The following MVP variants were observed in gnomAD, a reference collection of about 807,000 sequenced individuals.
MVP encodes lung resistance-related protein.
MVP carries 62 observed loss-of-function variants against 83.5 expected under a neutral mutation model. The observed-to-expected ratio is 0.74, with a 90% confidence interval of 0.61 to 0.92. The LOEUF is 0.92. Among genes scored for constraint, MVP ranks in the 40% least tolerant of loss-of-function variants. MVP has a pLI of 0.00. For missense variants in MVP, 1,000 were observed against 1,203.4 expected, an observed-to-expected ratio of 0.83 and a Z score of 2.50; for synonymous variants, 505 against 504.1, an observed-to-expected ratio of 1.00 and a Z score of -0.02.
intron 1 of MVP, chr16:29,830,135 C>G (rs1298448658): frequency 1.7e-5 from 3 of 175,218 alleles, no homozygotes; most frequent in Non-Finnish European, 3.7e-5. Flanking sequence ...ACCTCCATGG[C>G]TCCCCAGTTT....
chr16:29,843,557 G>T, intron 10 of MVP, among the ~76,000 whole-genome samples: 1 of 73,052 alleles, frequency 1.4e-5, no homozygotes, highest in Non-Finnish European at 3.0e-5. Context: ...AGGGAGGGAG[G>T]GAGGGAGGGA....
At chr16:29,822,087 GT>G (rs201002535) in intron 1 of MVP, among the ~76,000 whole-genome samples, 1,572 of 138,436 alleles carry the variant, frequency 0.011, 24 homozygotes, top group African/African-American at 0.035. Flanking sequence ...TTGGGGTTTT[GT>G]TTTTTTTTTT....
chr16:29,844,391 G>A lies in MVP; in HGVS notation c.1635-102G>A, dbSNP rs184223468. The A allele has an allele frequency of 6.7e-5, 97 of 1,454,442 alleles. No homozygotes were observed. In the African/African-American group the frequency reaches 1.2e-3, roughly 17 times the overall value. The allele number at this position is 1,454,442 out of a possible 1,614,324, so 90.1% of individuals were successfully genotyped here. A position where few individuals can be genotyped will look rare whatever the true frequency, so the allele number is the denominator to read the frequency against. ...AGGTTGGGGGGTTGCCTGAGCCCAG[G>A]AGTTCAAGACCAGCCTGGGCAACAT... On this transcript the variant is annotated intron_variant, in intron 10 of 14. Transcript: ENST00000357402.
At chr16:29,848,037 C>A, downstream of MVP, 1 of 1,571,010 alleles carries the variant, frequency 6.4e-7, no homozygotes. Flanking sequence ...AATTTCAACA[C>A]TTTTCTCTTG....
chr16:29,840,532 G>C, intron 8 of MVP, 73 bp downstream of exon 8: 1 of 1,489,734 alleles, frequency 6.7e-7, no homozygotes, highest in Non-Finnish European at 9.0e-7. Context: ...TGGGTGTGTG[G>C]AAGAGGTGGG....
intron 14 of MVP, 137 bp from the exon 15 acceptor site, chr16:29,847,625 G>T: frequency 9.9e-7 from 1 of 1,006,490 alleles, no homozygotes. Flanking sequence ...CAGTCTGACA[G>T]GCATTTCCAA....
intron 7 of MVP, among the ~76,000 whole-genome samples, chr16:29,837,812 G>C (rs966013783): frequency 1.3e-5 from 2 of 152,052 alleles, no homozygotes; most frequent in Non-Finnish European, 1.5e-5. Flanking sequence ...GTAATGGACT[G>C]AACTATCATG....
chr16:29,836,881 C>T lies in MVP; in HGVS notation c.832C>T (p.Pro278Ser), dbSNP rs990919247. The T allele has an allele frequency of 6.2e-7, 1 of 1,614,028 alleles. No homozygotes were observed. The highest frequency in any genetic ancestry group is 1.3e-5 in the African/African-American group (1 of 75,010). ...LGVVPITTLG[P>S]HNYCVILDPV... ...GGTTGTGCCCATCACCACCCTGGGC[C>T]CCCACAACTACTGCGTGATTCTCGA... Residue 278 changes from proline (P) to serine (S), a missense_variant, in exon 7 of 15, where the codon CCC (proline) becomes TCC (serine). Transcript: ENST00000357402.
At chr16:29,832,737 G>A (rs554689630) in intron 3 of MVP, among the ~76,000 whole-genome samples, 1 of 151,598 alleles carries the variant, frequency 6.6e-6, no homozygotes, top group East Asian at 2.0e-4. Context: ...GGGATTGCAG[G>A]TGTGAGCCAC....
At chr16:29,832,292 CTTTTT>C (rs36059297) in intron 3 of MVP, among the ~76,000 whole-genome samples, 120 of 107,276 alleles carry the variant, frequency 1.1e-3, no homozygotes, top group Middle Eastern at 6.3e-3. Context: ...ATTCTTGTAC[CTTTTT>C]TTTTTTTTTT....
rs1334946118 is a variant in MVP at position 29,840,211 on chromosome 16, C to T, written c.943C>T (p.Gln315Ter). 3.7e-6 allele frequency: 6 copies of T among 1,612,562 alleles called. No individual in the cohort carries two copies. The Admixed American group carries it at 1.0e-4, about 27-fold the overall frequency. Reference sequence around the variant, plus strand: ...GTCTTTTTTCCTCCAGCCAGGAGAGCAGCTGGAACAAGGCATCCAGGATGT... The same window carrying T: ...GTCTTTTTTCCTCCAGCCAGGAGAGTAGCTGGAACAAGGCATCCAGGATGT... ...EKSFFLQPGE[Q>*]LEQGIQDVYV... Residue 315 changes from glutamine to a stop codon, truncating the protein, a stop_gained, in exon 8 of 15, where the codon CAG becomes TAG. Coordinates refer to ENST00000357402, the MANE Select transcript of MVP (RefSeq NM_005115.5). LOFTEE classifies it high-confidence loss of function.
In MVP at chr16:29,840,266, T is replaced by A. The variant is rs1414540470; in HGVS notation, c.998T>A (p.Leu333Gln). The change falls in exon 8 of 15, where the codon CTG (leucine) becomes CAG (glutamine). Residue 333 changes from leucine (L) to glutamine (Q), a missense_variant. Transcript: ENST00000357402. ...VYVLSEQQGL[L>Q]LRALQPLEEG... is the part of the protein sequence containing the mutation. ...GTGCTGTCGGAGCAGCAGGGGCTGC[T>A]GCTGAGGGCCCTGCAGCCCCTGGAG... 6.2e-7 allele frequency: 1 copy of A among 1,613,884 alleles called. No homozygotes were observed. Among genetic ancestry groups the A allele is most frequent in the South Asian group, 1.1e-5 (1 of 91,072 alleles).
intron 5 of MVP, 152 bp from the exon 6 acceptor site, chr16:29,835,552 T>A (rs1051589548): frequency 2.6e-5 from 10 of 383,700 alleles, no homozygotes; most frequent in Non-Finnish European, 4.3e-5. Flanking sequence ...AAAGAATGAA[T>A]AAGAGGACCG....
intron 8 of MVP, 54 bp downstream of exon 8, chr16:29,840,513 G>A (rs1056383845): frequency 3.8e-5 from 57 of 1,516,448 alleles, no homozygotes; most frequent in Admixed American, 2.9e-4. Flanking sequence ...CCTTGGTGGC[G>A]GCTTCCTCTG....
chr16:29,845,823 G>A (rs765352832), intron 11 of MVP, 40 bp from the exon 12 acceptor site: 137 of 1,587,624 alleles, frequency 8.6e-5, no homozygotes, highest in Non-Finnish European at 8.5e-5. Context: ...TCCTGCTCTG[G>A]CCCCATGCCA....
In MVP at chr16:29,841,096, A is replaced by AT. The variant is rs1437466143; in HGVS notation, c.1192-493dup. Among the ~76,000 whole-genome samples the AT allele has an allele frequency of 1.3e-5, 2 of 151,472 alleles. No homozygotes were observed. The highest frequency in any genetic ancestry group is 2.1e-4 in the South Asian group (1 of 4,790). On this transcript the variant is annotated intron_variant, in intron 8 of 14. Transcript: ENST00000357402. This position sits in a 1 kb window ranked among gnomAD's most constrained non-coding sequence, Gnocchi z 4.7. ...TGCCCATATCCCGGTGGAATCTTTCATTTTTTTCTGCTTCACCTAAAACCT... is the reference window on the plus strand; with the variant it reads ...TGCCCATATCCCGGTGGAATCTTTCATTTTTTTTCTGCTTCACCTAAAACCT...
chr16:29,821,706 C>T (rs992578627), intron 1 of MVP, among the ~76,000 whole-genome samples: 1 of 152,230 alleles, frequency 6.6e-6, no homozygotes, highest in Non-Finnish European at 1.5e-5. Context: ...CCTTTGATAA[C>T]TGTGTGCTCT....
chr16:29,824,001 G>A (rs2067385494), intron 1 of MVP, among the ~76,000 whole-genome samples: 1 of 151,956 alleles, frequency 6.6e-6, no homozygotes, highest in Admixed American at 6.6e-5. Flanking sequence ...CCCTTTGGGA[G>A]GCCGAGGTGG....
intron 1 of MVP, among the ~76,000 whole-genome samples, chr16:29,826,895 C>T (rs2067408384): frequency 6.6e-6 from 1 of 150,624 alleles, no homozygotes; most frequent in Non-Finnish European, 1.5e-5. Context: ...CCACTGCACT[C>T]CAGCCTGGCG....
Sources: allele counts gnomAD v4.1 joint callset (sites outside exome capture counted in the v4.1 genomes callset), GRCh38; gene constraint gnomAD v4.1.1; non-coding constraint Gnocchi (gnomAD v3.1); transcripts MANE v1.5; gene names NCBI Gene and HGNC (gene_info 2026-07-23, HGNC 2026-07-21).